Variants in FGF7 observed in about 807,000 individuals in gnomAD.
The protein encoded by FGF7 is fibroblast growth factor 7, also known as FGF-7.
In FGF7, 6 loss-of-function variants were observed where a neutral mutation model predicts 20.5. The observed-to-expected ratio is 0.29, with a 90% CI of 0.16 to 0.58. The LOEUF is 0.58. Ranked by LOEUF, FGF7 falls within the 20% of genes least tolerant of loss-of-function variation. The pLI is 0.90. For synonymous variants in FGF7, 64 were observed against 74.7 expected (o/e 0.86, Z 0.74); for missense variants, 144 against 228.8 (o/e 0.63, Z 2.39).
At chr15:49,442,438 A>G (rs533993341) in intron 2 of FGF7, among the ~76,000 whole-genome samples, 4 of 151,868 alleles carry the variant, frequency 2.6e-5, no homozygotes, top group Admixed American at 2.6e-4. Flanking sequence ...GTATACAAAC[A>G]TAAGGCATTA....
At chr15:49,459,381 G>A (rs1162605165) in intron 2 of FGF7, among the ~76,000 whole-genome samples, 2 of 152,096 alleles carry the variant, frequency 1.3e-5, no homozygotes, top group Non-Finnish European at 2.9e-5. Context: ...TAATTAGTAT[G>A]TTTATTCCAT....
chr15:49,474,048 G>A (rs1410842775), intron 2 of FGF7, among the ~76,000 whole-genome samples: 1 of 151,958 alleles, frequency 6.6e-6, no homozygotes. Context: ...ATGTATTTTT[G>A]ATAGGCGAAC....
chr15:49,444,855 CCTAATG>C (rs1412096296), intron 2 of FGF7, among the ~76,000 whole-genome samples: 1 of 151,624 alleles, frequency 6.6e-6, no homozygotes, highest in African/African-American at 2.4e-5. Flanking sequence ...AAATTTACAA[CCTAATG>C]CATAAAGTTT....
chr15:49,471,792 T>C (rs1450232453), intron 2 of FGF7, among the ~76,000 whole-genome samples: 1 of 152,046 alleles, frequency 6.6e-6, no homozygotes, highest in Non-Finnish European at 1.5e-5. Context: ...GACAGTTTGC[T>C]GAGTGGGGAG....
chr15:49,476,894 C>T (rs1421861042), intron 2 of FGF7, among the ~76,000 whole-genome samples: 12 of 151,774 alleles, frequency 7.9e-5, no homozygotes, highest in Admixed American at 5.3e-4. Context: ...CTCGTCTCTA[C>T]TAAAAATACA....
At chr15:49,431,352 A>T (rs2050601507) in intron 2 of FGF7, among the ~76,000 whole-genome samples, 1 of 151,832 alleles carries the variant, frequency 6.6e-6, no homozygotes, top group Non-Finnish European at 1.5e-5. Flanking sequence ...TCTTTAGTAG[A>T]GAAGTCGTGT....
At chr15:49,433,556 A>ACACCTCACTTCC (rs1471616937) in intron 2 of FGF7, among the ~76,000 whole-genome samples, 1 of 151,692 alleles carries the variant, frequency 6.6e-6, no homozygotes, top group East Asian at 1.9e-4. Context: ...AAAGAGAAAT[A>ACACCTCACTTCC]CACCTCACTT....
intron 2 of FGF7, among the ~76,000 whole-genome samples, chr15:49,475,673 G>T (rs1226300014): frequency 2.0e-5 from 3 of 151,876 alleles, no homozygotes; most frequent in South Asian, 4.2e-4. Flanking sequence ...CAATTCCCAA[G>T]AATGTACACA....
At chr15:49,430,401 T>A (rs1363870247) in intron 2 of FGF7, among the ~76,000 whole-genome samples, 1 of 151,726 alleles carries the variant, frequency 6.6e-6, no homozygotes, top group African/African-American at 2.4e-5. Flanking sequence ...GGATCTCACC[T>A]CTCATGGCCA....
At chr15:49,427,558 A>G (rs543338092) in intron 2 of FGF7, among the ~76,000 whole-genome samples, 1 of 152,020 alleles carries the variant, frequency 6.6e-6, no homozygotes, top group Non-Finnish European at 1.5e-5. Context: ...AAAATTTTAC[A>G]TGAAAAGTAA....
At position 49,487,504 on chromosome 15, in the gene FGF7, G is replaced by C. The variant is rs2056497436; in HGVS notation, c.*3000G>C. 1.3e-5 allele frequency: 2 copies of C among 151,792 alleles called. No homozygotes were observed. The highest frequency in any genetic ancestry group is 4.2e-4 in the South Asian group (2 of 4,818). The allele number at this position is 151,792 out of a possible 1,614,324, so 9.4% of individuals were successfully genotyped here. A position where few individuals can be genotyped will look rare whatever the true frequency, so the allele number is the denominator to read the frequency against. On this transcript the variant is annotated 3_prime_UTR_variant, in exon 4 of 4. Coordinates refer to ENST00000267843, the MANE Select transcript of FGF7 (RefSeq NM_002009.4). Reference sequence around the variant, plus strand: ...AATTCAATTTAATGACAGAAGAGAAGGGATGCTGGAGGTAAATTCTTAGGG... The same window carrying C: ...AATTCAATTTAATGACAGAAGAGAACGGATGCTGGAGGTAAATTCTTAGGG...
intron 2 of FGF7, among the ~76,000 whole-genome samples, chr15:49,441,754 AATT>A (rs1479531999): frequency 5.9e-5 from 9 of 151,522 alleles, no homozygotes; most frequent in Non-Finnish European, 1.2e-4. Context: ...ACATTTTCAT[AATT>A]ATTATTCTTA....
chr15:49,445,852 A>C (rs912650888), intron 2 of FGF7, among the ~76,000 whole-genome samples: 5 of 151,512 alleles, frequency 3.3e-5, no homozygotes, highest in Non-Finnish European at 7.4e-5. Context: ...ATTTCAAACT[A>C]AAATTTAGTA....
chr15:49,472,554 T>C (rs1240414292), intron 2 of FGF7, among the ~76,000 whole-genome samples: 1 of 152,210 alleles, frequency 6.6e-6, no homozygotes, highest in Non-Finnish European at 1.5e-5. Context: ...CTAAAAATTC[T>C]ATTGCTATGG....
At chr15:49,446,214 A>G (rs574783255) in intron 2 of FGF7, among the ~76,000 whole-genome samples, 10 of 151,736 alleles carry the variant, frequency 6.6e-5, no homozygotes, top group African/African-American at 2.4e-4. Flanking sequence ...TTTTAAGTTA[A>G]GAGCCACTCA....
At chr15:49,446,588 G>A (rs1454613629) in intron 2 of FGF7, among the ~76,000 whole-genome samples, 1 of 151,250 alleles carries the variant, frequency 6.6e-6, no homozygotes, top group Non-Finnish European at 1.5e-5. Flanking sequence ...TTCATAGAGG[G>A]TAAAGAGCTT....
At chr15:49,450,992 A>G (rs2052672799) in intron 2 of FGF7, among the ~76,000 whole-genome samples, 1 of 152,128 alleles carries the variant, frequency 6.6e-6, no homozygotes. Context: ...GGTCAGTGCC[A>G]TCTGTATGTG....
intron 2 of FGF7, among the ~76,000 whole-genome samples, chr15:49,471,255 G>A (rs911593968): frequency 2.5e-5 from 1 of 40,512 alleles, no homozygotes; most frequent in Non-Finnish European, 8.7e-5. Flanking sequence ...GGAGGCCGAG[G>A]TGGGTGGATC....
At chr15:49,462,878 T>C (rs373162430) in intron 2 of FGF7, among the ~76,000 whole-genome samples, 60 of 152,294 alleles carry the variant, frequency 3.9e-4, no homozygotes, top group African/African-American at 1.4e-3. Flanking sequence ...AATAAATAAA[T>C]ACATTTTATT....
Sources: gnomAD v4.1 joint callset for allele counts (sites outside exome capture counted in the v4.1 genomes callset) on GRCh38, gnomAD v4.1.1 for gene constraint, MANE v1.5 for transcripts, NCBI Gene and HGNC (gene_info 2026-07-23, HGNC 2026-07-21) for gene names.